TBC1D1: variants seen among roughly 807,000 people sequenced by gnomAD.
TBC1D1 encodes the protein TBC1 (tre-2/USP6, BUB2, cdc16) domain family, member 1.
TBC1D1 carries 89 observed loss-of-function variants against 125.6 expected under a neutral mutation model. That is an observed-to-expected ratio of 0.71 (90% CI 0.60 to 0.85). The LOEUF (loss-of-function observed/expected upper bound fraction) is 0.85, where lower values mean the gene tolerates loss of function less well. TBC1D1 is among the 40% of genes least tolerant of loss of function. The probability of loss-of-function intolerance (pLI) is 0.00; values close to 1 mark genes in which losing one functional copy is unlikely to be tolerated. For missense variants in TBC1D1, 1,377 were observed against 1,469.2 expected (o/e 0.94, Z 1.03); for synonymous variants, 565 against 564.1 (o/e 1.00, Z -0.02).
chr4:38,001,627 G>A lies in TBC1D1; in HGVS notation c.418-12882G>A, dbSNP rs573497386. Reference sequence around the variant, plus strand: ...AGCATAAACTCAGGTACAGTTGATAGGGGCTTATTATGAGGCATTCCTAAT... The same window carrying A: ...AGCATAAACTCAGGTACAGTTGATAAGGGCTTATTATGAGGCATTCCTAAT... On this transcript the variant is annotated intron_variant, in intron 2 of 19. Coordinates refer to ENST00000261439, the MANE Select transcript of TBC1D1 (RefSeq NM_015173.4). Among the ~76,000 whole-genome samples, 35 of 152,316 alleles carry A rather than the reference G, an allele frequency of 2.3e-4. 1 individual carries two copies. In the South Asian group the frequency reaches 6.4e-3, roughly 28 times the overall value.
chr4:37,963,534 C>A (rs1434933424), intron 2 of TBC1D1, among the ~76,000 whole-genome samples: 1 of 152,132 alleles, frequency 6.6e-6, no homozygotes, highest in Non-Finnish European at 1.5e-5. Flanking sequence ...ATGCCTGTAA[C>A]CCCAGCTACT....
intron 2 of TBC1D1, among the ~76,000 whole-genome samples, chr4:37,968,744 G>A (rs540740655): frequency 8.5e-5 from 13 of 152,320 alleles, no homozygotes; most frequent in African/African-American, 2.9e-4. Flanking sequence ...AAATGTGAGT[G>A]TGGGTGTGTC....
intron 2 of TBC1D1, among the ~76,000 whole-genome samples, chr4:37,920,848 C>T (rs537109549): frequency 1.6e-4 from 24 of 152,200 alleles, no homozygotes; most frequent in African/African-American, 5.1e-4. Flanking sequence ...CGGTGGCTCA[C>T]GCCTGTAATC....
rs544309392 is a variant in TBC1D1, at chr4:38,129,415, C to T, written c.3133-3669C>T. Reference sequence around the variant, plus strand: ...GCGGGGAGAAGTGGTTTACCACTGGCGTTGTTGAAAATTGCTCACATGCAG... The same window carrying T: ...GCGGGGAGAAGTGGTTTACCACTGGTGTTGTTGAAAATTGCTCACATGCAG... On this transcript the variant is annotated intron_variant, in intron 18 of 19. Coordinates refer to ENST00000261439, the MANE Select transcript of TBC1D1 (RefSeq NM_015173.4). Among the ~76,000 whole-genome samples, 4 of 152,260 alleles carry T rather than the reference C, an allele frequency of 2.6e-5. No homozygotes were observed. In the East Asian group the frequency reaches 7.7e-4, roughly 29 times the overall value.
At chr4:37,984,013 A>G (rs1443496653) in intron 2 of TBC1D1, among the ~76,000 whole-genome samples, 1 of 152,162 alleles carries the variant, frequency 6.6e-6, no homozygotes, top group African/African-American at 2.4e-5. Flanking sequence ...GGAATCATAC[A>G]GTATATATGT....
At chr4:37,993,477 G>T (rs1468623974) in intron 2 of TBC1D1, among the ~76,000 whole-genome samples, 2 of 152,184 alleles carry the variant, frequency 1.3e-5, no homozygotes, top group Non-Finnish European at 2.9e-5. Flanking sequence ...TGGAGTTCTT[G>T]TTCCTGCATT....
At chr4:38,070,744 TGTG>T (rs370998429) in intron 12 of TBC1D1, among the ~76,000 whole-genome samples, 4 of 152,278 alleles carry the variant, frequency 2.6e-5, no homozygotes, top group East Asian at 1.9e-4. Flanking sequence ...GGCAAGAAGA[TGTG>T]GTGATAGGTG....
At chr4:37,907,854 T>C (rs1717664108) in intron 2 of TBC1D1, among the ~76,000 whole-genome samples, 1 of 152,188 alleles carries the variant, frequency 6.6e-6, no homozygotes, top group Non-Finnish European at 1.5e-5. Flanking sequence ...CTACAAAATC[T>C]CTACTCAGAA....
At chr4:38,010,360 G>A (rs984146901) in intron 2 of TBC1D1, among the ~76,000 whole-genome samples, 2 of 152,002 alleles carry the variant, frequency 1.3e-5, no homozygotes, top group East Asian at 1.9e-4. Flanking sequence ...CTCTGCCTGC[G>A]ATTCCTTAGT....
chr4:37,960,821 C>T (rs1213831692), intron 2 of TBC1D1: 5 of 1,614,160 alleles, frequency 3.1e-6, no homozygotes, highest in Admixed American at 1.7e-5. Flanking sequence ...AGAGTTTTGA[C>T]CTGCCTGAAG....
intron 3 of TBC1D1, among the ~76,000 whole-genome samples, chr4:38,017,937 A>T (rs1743155705): frequency 6.6e-6 from 1 of 152,260 alleles, no homozygotes. Context: ...TGAATGCCTC[A>T]CATGTAATAT....
rs1733319145 is a variant in TBC1D1, at chr4:37,977,268, TC to T, written c.418-37237del. ...TCCCCTCCTCCCCCCGCCCACCCCC[TC>T]CCCGCGCTCTCCCCTCCCACTTCCC... On this transcript the variant is annotated intron_variant, in intron 2 of 19. Transcript: ENST00000261439. This position sits in a 1 kb window ranked among gnomAD's most constrained non-coding sequence, Gnocchi z 4.3. 7.5e-5 allele frequency: 1 copy of T among 13,400 alleles called. No individual in the cohort carries two copies. The highest frequency in any genetic ancestry group is 3.0e-3 in the East Asian group (1 of 336). The allele number at this position is 13,400 out of a possible 1,614,324, so 0.8% of individuals were successfully genotyped here.
At position 38,014,842 on chromosome 4, in the gene TBC1D1, C is replaced by T; in HGVS notation, c.751C>T (p.Gln251Ter). Reference sequence around the variant, plus strand: ...CTCGCTGGCCTTTAGGAAGGAGCTGCAGGATGGGGGCCTCCGAAGCAGCGG... The same window carrying T: ...CTCGCTGGCCTTTAGGAAGGAGCTGTAGGATGGGGGCCTCCGAAGCAGCGG... Residue 251 changes from glutamine to a stop codon, truncating the protein, a stop_gained, in exon 3 of 20, where the codon CAG (glutamine) becomes TAG (stop). Coordinates refer to ENST00000261439, the MANE Select transcript of TBC1D1 (RefSeq NM_015173.4). LOFTEE classifies it high-confidence loss of function. The surrounding 1 kb of genome is among the most constrained non-coding windows in gnomAD (Gnocchi z 5.1). 6.2e-7 allele frequency: 1 copy of T among 1,612,162 alleles called. No individual in the cohort carries two copies.
At chr4:37,936,834 A>T (rs554172403) in intron 2 of TBC1D1, among the ~76,000 whole-genome samples, 1 of 152,330 alleles carries the variant, frequency 6.6e-6, no homozygotes, top group South Asian at 2.1e-4. Flanking sequence ...TTCTCAACAC[A>T]TAGTAAGCAG....
chr4:38,010,747 T>TCTCTCAGCCTTC (rs776364846), intron 2 of TBC1D1, among the ~76,000 whole-genome samples: 1 of 152,178 alleles, frequency 6.6e-6, no homozygotes, highest in African/African-American at 2.4e-5. Context: ...ATTCAGCCTT[T>TCTCTCAGCCTTC]CTCTCAGCCT....
intron 2 of TBC1D1, among the ~76,000 whole-genome samples, chr4:37,978,712 TGA>T (rs1733751724): frequency 8.1e-6 from 1 of 123,138 alleles, no homozygotes; most frequent in Admixed American, 7.7e-5. Flanking sequence ...GGTGGTAAAA[TGA>T]GATGACTTTC....
At chr4:37,917,173 A>C (rs1719907176) in intron 2 of TBC1D1, among the ~76,000 whole-genome samples, 1 of 151,764 alleles carries the variant, frequency 6.6e-6, no homozygotes, top group African/African-American at 2.4e-5. Context: ...ACAGTTTACC[A>C]CATATAAGAA....
intron 14 of TBC1D1, 124 bp downstream of exon 16, chr4:38,096,214 A>G: frequency 1.3e-6 from 1 of 749,094 alleles, no homozygotes; most frequent in Admixed American, 2.6e-5. Context: ...ATCACATCTT[A>G]ATCTATTTCC....
intron 11 of TBC1D1, among the ~76,000 whole-genome samples, chr4:38,052,707 C>T (rs2152483862): frequency 1.1e-5 from 1 of 95,074 alleles, no homozygotes; most frequent in African/African-American, 5.4e-5. Flanking sequence ...CGTATATACA[C>T]ACACACGCGC....
Sources: gnomAD v4.1 joint callset for allele counts (sites outside exome capture counted in the v4.1 genomes callset) on GRCh38, gnomAD v4.1.1 for gene constraint, Gnocchi (gnomAD v3.1) non-coding constraint, MANE v1.5 for transcripts, NCBI Gene and HGNC (gene_info 2026-07-23, HGNC 2026-07-21) for gene names.